BCHE: variants seen among roughly 807,000 people sequenced by gnomAD.
BCHE encodes the protein butyrylcholinesterase, also known as cholinesterase.
In BCHE, 48 loss-of-function variants were observed where a neutral mutation model predicts 51.3. That is an observed-to-expected ratio of 0.94 (90% CI 0.74 to 1.19). The LOEUF (loss-of-function observed/expected upper bound fraction) is 1.19. Among genes scored for constraint, BCHE ranks in the 50% most tolerant of loss-of-function variants. The pLI is 0.00. For missense variants in BCHE, 847 were observed against 708.2 expected, an observed-to-expected ratio of 1.20 and a Z score of -2.23; for synonymous variants, 251 against 238.0, an observed-to-expected ratio of 1.05 and a Z score of -0.50.
At chr3:165,808,177 A>T (rs1002358000) in intron 2 of BCHE, among the ~76,000 whole-genome samples, 2 of 151,808 alleles carry the variant, frequency 1.3e-5, no homozygotes, top group African/African-American at 4.8e-5. Context: ...AGTAGAGACG[A>T]GGTTTCACCG....
rs1215970992 is a variant in BCHE at position 165,773,340 on chromosome 3, G to T, written c.*42C>A. The T allele has an allele frequency of 6.3e-7, 1 of 1,579,674 alleles. No individual in the cohort carries two copies. Among genetic ancestry groups the T allele is most frequent in the African/African-American group, 1.4e-5 (1 of 74,046 alleles). On this transcript the variant is annotated 3_prime_UTR_variant, in exon 4 of 4. Coordinates refer to ENST00000264381, the MANE Select transcript of BCHE (RefSeq NM_000055.4). Reference sequence around the variant, plus strand: ...AAAAAGCTCCTGATATTTTTGCCTTGATCTAAAGGAAAATATGTTCTATAA... The same window carrying T: ...AAAAAGCTCCTGATATTTTTGCCTTTATCTAAAGGAAAATATGTTCTATAA...
In BCHE at chr3:165,830,810, T is replaced by C. The variant is rs867455032; in HGVS notation, c.224A>G (p.Gln75Arg). The change falls in exon 2 of 4, where the codon CAG (glutamine) becomes CGG (arginine). Residue 75 changes from glutamine to arginine, a missense_variant. Transcript: ENST00000264381. ...AATATCAGACCACTTGGTCAGAGAC[T>C]GTGGCTTTTTGAATCGAAGTCTACC... ...PLGRLRFKKP[Q>R]SLTKWSDIWN... is the part of the protein sequence containing the mutation. 4 of 1,613,882 alleles carry C rather than the reference T, an allele frequency of 2.5e-6. No homozygotes were observed. The highest frequency in any genetic ancestry group is 1.3e-5 in the African/African-American group (1 of 75,036).
At chr3:165,822,958 A>G (rs1447708827) in intron 2 of BCHE, among the ~76,000 whole-genome samples, 2 of 152,050 alleles carry the variant, frequency 1.3e-5, no homozygotes, top group East Asian at 1.9e-4. Context: ...TAGACGTATT[A>G]TGTTGTACTG....
intron 2 of BCHE, among the ~76,000 whole-genome samples, chr3:165,813,378 A>T (rs1222672531): frequency 6.6e-6 from 1 of 151,734 alleles, no homozygotes; most frequent in African/African-American, 2.4e-5. Flanking sequence ...TTCTAAAATT[A>T]CTAAATATTG....
chr3:165,830,172 T>C lies in BCHE; in HGVS notation c.862A>G (p.Ile288Val), dbSNP rs755701726. 6.2e-7 allele frequency: 1 copy of C among 1,614,004 alleles called. No homozygotes were observed. Among genetic ancestry groups the C allele is most frequent in the Admixed American group, 1.7e-5 (1 of 59,950 alleles). ...TGCSRENETE[I>V]IKCLRNKDPQ... The stretch of plus-strand genomic sequence containing the variant: ...TCTTTATTTCTAAGACACTTGATTA[T>C]TTCAGTCTCATTCTCTCTAGAGCAA... The change falls in exon 2 of 4, where the codon ATA becomes GTA. Residue 288 changes from isoleucine to valine, a missense_variant. Physicochemically the swap from Ile to Val is conservative, Grantham distance 29. Transcript: ENST00000264381.
rs141220573 is a variant in BCHE at position 165,823,402 on chromosome 3, C to T, written c.1517+6115G>A. On this transcript the variant is annotated intron_variant, in intron 2 of 3. Coordinates refer to ENST00000264381, the MANE Select transcript of BCHE (RefSeq NM_000055.4). ...TCATCCATGATAAGGTGAGATTAGC[C>T]TTCTCATCATAAACAATTATAATAC... 6.0e-4 allele frequency among the ~76,000 whole-genome samples: 92 copies of T among 152,114 alleles called. 1 individual carries two copies. Among genetic ancestry groups the T allele is most frequent in the African/African-American group, 2.2e-3 (91 of 41,504 alleles).
rs958767459 is a variant in BCHE at position 165,833,472 on chromosome 3, G to A, written c.-8-2431C>T. 9.9e-5 allele frequency among the ~76,000 whole-genome samples: 15 copies of A among 152,082 alleles called. No homozygotes were observed. In the East Asian group the frequency reaches 2.5e-3, roughly 25 times the overall value. ...ATACTGTAGGCAATTGTTAGAAAAT[G>A]GTAACTGTATGTGTATGTAAACAGA... On this transcript the variant is annotated intron_variant, in intron 1 of 3. Transcript: ENST00000264381.
intron 3 of BCHE, among the ~76,000 whole-genome samples, chr3:165,778,058 A>G (rs1180318270): frequency 6.6e-6 from 1 of 152,102 alleles, no homozygotes; most frequent in Non-Finnish European, 1.5e-5. Context: ...AGTTACAGGC[A>G]GATTTTCAAC....
At chr3:165,802,888 C>CCCA (rs1452017899) in intron 2 of BCHE, among the ~76,000 whole-genome samples, 1 of 151,850 alleles carries the variant, frequency 6.6e-6, no homozygotes, top group East Asian at 2.0e-4. Flanking sequence ...ACTACAGGCG[C>CCCA]CCACCACCAA....
intron 2 of BCHE, among the ~76,000 whole-genome samples, chr3:165,799,366 G>A (rs1332387065): frequency 6.6e-6 from 1 of 152,036 alleles, no homozygotes; most frequent in Non-Finnish European, 1.5e-5. Context: ...AAATTTTAAG[G>A]TGTTGAACCT....
chr3:165,821,220 T>C (rs1043262825), intron 2 of BCHE, among the ~76,000 whole-genome samples: 2 of 151,902 alleles, frequency 1.3e-5, no homozygotes, highest in Admixed American at 6.6e-5. Flanking sequence ...ATAATATTTA[T>C]TAGTTGAAAA....
At chr3:165,804,194 G>A (rs1713784023) in intron 2 of BCHE, among the ~76,000 whole-genome samples, 1 of 152,092 alleles carries the variant, frequency 6.6e-6, no homozygotes, top group Admixed American at 6.6e-5. Flanking sequence ...TGGAAATACA[G>A]ACCAATATGA....
chr3:165,773,296 CT>C lies in BCHE; in HGVS notation c.*85del. 3 of 1,325,154 alleles carry C rather than the reference CT, an allele frequency of 2.3e-6. No individual in the cohort carries two copies. The highest frequency in any genetic ancestry group is 3.2e-6 in the Non-Finnish European group (3 of 949,178). The allele number at this position is 1,325,154 out of a possible 1,614,324, so 82.1% of individuals were successfully genotyped here. ...CATTTTTGTTTCAGCTACATAATAA[CT>C]TTTTTAGTAGGTGTGTAAAAAAGCT... On this transcript the variant is annotated 3_prime_UTR_variant, in exon 4 of 4. Coordinates refer to ENST00000264381, the MANE Select transcript of BCHE (RefSeq NM_000055.4).
chr3:165,814,500 C>T (rs13062946), intron 2 of BCHE, among the ~76,000 whole-genome samples: 2 of 152,078 alleles, frequency 1.3e-5, no homozygotes, highest in Non-Finnish European at 2.9e-5. Context: ...CCTCAGCTCA[C>T]TAATACTTAC....
At position 165,788,763 on chromosome 3, in the gene BCHE, A is replaced by G. The variant is rs544263741; in HGVS notation, c.1518-2452T>C. Among the ~76,000 whole-genome samples the G allele has an allele frequency of 5.3e-5, 8 of 152,310 alleles. 1 individual carries two copies. Among genetic ancestry groups the G allele is most frequent in the African/African-American group, 1.9e-4 (8 of 41,578 alleles). ...AGTTCAAGAGCAAAGCACTAATGAC[A>G]CTGCCAGTGAGTGTTCATTTAACAA... On this transcript the variant is annotated intron_variant, in intron 2 of 3. Coordinates refer to ENST00000264381, the MANE Select transcript of BCHE (RefSeq NM_000055.4).
At chr3:165,812,996 A>G (rs1714164085) in intron 2 of BCHE, among the ~76,000 whole-genome samples, 1 of 151,848 alleles carries the variant, frequency 6.6e-6, no homozygotes, top group Non-Finnish European at 1.5e-5. Flanking sequence ...GGATTTTTAC[A>G]TTTTTCTAAT....
intron 2 of BCHE, among the ~76,000 whole-genome samples, chr3:165,799,572 G>C (rs562944477): frequency 6.6e-6 from 1 of 152,178 alleles, no homozygotes; most frequent in African/African-American, 2.4e-5. Context: ...AAGGTGCATA[G>C]ACAGCAATGA....
intron 3 of BCHE, among the ~76,000 whole-genome samples, chr3:165,780,580 C>G (rs775711189): frequency 6.6e-6 from 1 of 151,902 alleles, no homozygotes; most frequent in South Asian, 2.1e-4. Context: ...AGCAAACAAC[C>G]CCATCAAAAA....
chr3:165,793,215 T>C (rs918643454), intron 2 of BCHE, among the ~76,000 whole-genome samples: 2 of 152,164 alleles, frequency 1.3e-5, no homozygotes, highest in Non-Finnish European at 2.9e-5. Flanking sequence ...TGTTACTCAA[T>C]TTACAAATTT....
Sources: allele counts gnomAD v4.1 joint callset (sites outside exome capture counted in the v4.1 genomes callset), GRCh38; gene constraint gnomAD v4.1.1; transcripts MANE v1.5; gene names NCBI Gene and HGNC (gene_info 2026-07-23, HGNC 2026-07-21).